MLYCD: variants seen among roughly 807,000 people sequenced by gnomAD.
MLYCD encodes the protein malonyl-CoA decarboxylase.
A neutral mutation model predicts 35.8 loss-of-function variants in MLYCD; 27 were observed. The observed-to-expected ratio is 0.75, with a 90% CI of 0.56 to 1.04. The LOEUF (loss-of-function observed/expected upper bound fraction) is 1.04, where lower values mean the gene tolerates loss of function less well. Ranked by LOEUF, MLYCD falls within the 50% of genes least tolerant of loss-of-function variation. The pLI is 0.00. For missense variants in MLYCD, 917 were observed against 665.1 expected (o/e 1.38, Z -4.17); for synonymous variants, 403 against 302.4 (o/e 1.33, Z -3.45).
intron 1 of MLYCD, among the ~76,000 whole-genome samples, chr16:83,906,288 G>T (rs1906973110): frequency 6.6e-6 from 1 of 152,142 alleles, no homozygotes; most frequent in Non-Finnish European, 1.5e-5. Context: ...CTACTTGGGG[G>T]GCTGAGACAG....
intron 2 of MLYCD, among the ~76,000 whole-genome samples, chr16:83,907,867 C>T (rs1310398227): frequency 6.6e-6 from 1 of 152,140 alleles, no homozygotes; most frequent in Non-Finnish European, 1.5e-5. Flanking sequence ...ATGAATCCTT[C>T]CCCGGAGCCT....
At chr16:83,914,063 G>A (rs1177784228) in intron 4 of MLYCD, 1 of 152,212 alleles carries the variant, frequency 6.6e-6, no homozygotes, top group Non-Finnish European at 1.5e-5. Context: ...GTTTATCTGA[G>A]CAGACTGTCG....
chr16:83,913,845 A>T (rs1907274190), intron 4 of MLYCD: 1 of 151,880 alleles, frequency 6.6e-6, no homozygotes, highest in Admixed American at 6.6e-5. Flanking sequence ...GTGGGGGAAA[A>T]ACCCCGGGAG....
In MLYCD at chr16:83,918,062, G is replaced by A. The variant is rs113324744; in HGVS notation, c.*2573G>A. 3.8e-4 allele frequency: 58 copies of A among 152,340 alleles called. No homozygotes were observed. Among genetic ancestry groups the A allele is most frequent in the African/African-American group, 1.3e-3 (54 of 41,566 alleles). The allele number at this position is 152,340 out of a possible 1,614,324, so 9.4% of individuals were successfully genotyped here. ...AACTAGCACGCCTGAGGTAGGTCTC[G>A]GAATAGTGTTCAAATCCATTTTACT... is the stretch of plus-strand genomic sequence containing the variant. On this transcript the variant is annotated 3_prime_UTR_variant, in exon 5 of 5. Coordinates refer to ENST00000262430, the MANE Select transcript of MLYCD (RefSeq NM_012213.3).
chr16:83,924,814 A>G lies in MLYCD; in HGVS notation c.*9325A>G, dbSNP rs1258583326. The G allele has an allele frequency of 6.6e-6, 1 of 152,166 alleles. No homozygotes were observed. The highest frequency in any genetic ancestry group is 1.5e-5 in the Non-Finnish European group (1 of 68,032). The allele number at this position is 152,166 out of a possible 1,614,324, so 9.4% of individuals were successfully genotyped here. A position where few individuals can be genotyped will look rare whatever the true frequency, so the allele number is the denominator to read the frequency against. Reference sequence around the variant, plus strand: ...GACCTCCTAGGGGGTACATCCAGCCAGGTTCCCCCTCAGCAATGGCCAGGG... The same window carrying G: ...GACCTCCTAGGGGGTACATCCAGCCGGGTTCCCCCTCAGCAATGGCCAGGG... On this transcript the variant is annotated 3_prime_UTR_variant, in exon 5 of 5. Coordinates refer to ENST00000262430, the MANE Select transcript of MLYCD (RefSeq NM_012213.3).
intron 2 of MLYCD, 37 bp from the exon 3 acceptor site, chr16:83,908,089 A>C (rs759790008): frequency 6.2e-7 from 1 of 1,613,550 alleles, no homozygotes; most frequent in Non-Finnish European, 8.5e-7. Flanking sequence ...CTTGTGAATT[A>C]TGCATTTGTC....
In MLYCD at chr16:83,923,307, C is replaced by G. The variant is rs1258522007; in HGVS notation, c.*7818C>G. The G allele has an allele frequency of 2.0e-5, 3 of 152,238 alleles. No individual in the cohort carries two copies. Among genetic ancestry groups the G allele is most frequent in the African/African-American group, 7.2e-5 (3 of 41,466 alleles). 9.4% of individuals were successfully genotyped at this position (152,238 alleles called of 1,614,324 possible). On this transcript the variant is annotated 3_prime_UTR_variant, in exon 5 of 5. Transcript: ENST00000262430. ...AAAGATTTAAATCGAGCAAACACCTCTGTGATTTCCAATTGGATTCTGAGG... is the reference window on the plus strand; with the variant it reads ...AAAGATTTAAATCGAGCAAACACCTGTGTGATTTCCAATTGGATTCTGAGG...
At chr16:83,906,954 T>C (rs1034800402) in intron 1 of MLYCD, 33 bp from the exon 2 acceptor site, 25 of 1,574,598 alleles carry the variant, frequency 1.6e-5, no homozygotes, top group Non-Finnish European at 2.1e-5. Context: ...CTGTCGCACA[T>C]TGGAGGCCTG....
At chr16:83,911,486 G>C (rs771213417) in intron 3 of MLYCD, among the ~76,000 whole-genome samples, 48 of 152,220 alleles carry the variant, frequency 3.2e-4, no homozygotes, top group Non-Finnish European at 5.1e-4. Flanking sequence ...GTTATCCAGT[G>C]AGCTTTGGAG....
In MLYCD at chr16:83,920,120, A is replaced by G. The variant is rs970365349; in HGVS notation, c.*4631A>G. ...CAGGACAGCACACGGTACACAGCAG[A>G]ACACCCGCAGTGCACAGGAGAACCT... On this transcript the variant is annotated 3_prime_UTR_variant, in exon 5 of 5. Coordinates refer to ENST00000262430, the MANE Select transcript of MLYCD (RefSeq NM_012213.3). The G allele has an allele frequency of 6.6e-6, 1 of 152,118 alleles. No individual in the cohort carries two copies. The highest frequency in any genetic ancestry group is 2.4e-5 in the African/African-American group (1 of 41,366). The allele number at this position is 152,118 out of a possible 1,614,324, so 9.4% of individuals were successfully genotyped here.
intron 1 of MLYCD, among the ~76,000 whole-genome samples, chr16:83,904,897 G>A (rs1357588278): frequency 6.6e-6 from 1 of 152,164 alleles, no homozygotes; most frequent in Non-Finnish European, 1.5e-5. Flanking sequence ...CCACCAGTCA[G>A]TCCTAGATTT....
rs576671102 is a variant in MLYCD at position 83,925,443 on chromosome 16, A to G, written c.*9954A>G. ...AGGTTACAAAGTCTCCTTCCTGATT[A>G]TGTGCATTAACTAACCTCGCAGGTG... On this transcript the variant is annotated 3_prime_UTR_variant, in exon 5 of 5. Transcript: ENST00000262430. The G allele has an allele frequency of 4.6e-4, 70 of 152,346 alleles. No individual in the cohort carries two copies. The highest frequency in any genetic ancestry group is 1.6e-3 in the African/African-American group (66 of 41,504). 9.4% of individuals were successfully genotyped at this position (152,346 alleles called of 1,614,324 possible).
chr16:83,911,989 A>G, intron 3 of MLYCD: 1 of 573,502 alleles, frequency 1.7e-6, no homozygotes, highest in South Asian at 2.0e-5. Context: ...ATTTCAAGAA[A>G]CGATGCAGTG....
Position 83,908,260 on chromosome 16 carries a change from G to C in MLYCD, c.776G>C (p.Gly259Ala), listed in dbSNP as rs77493891. The change falls in exon 3 of 5, where the codon GGT becomes GCT. Residue 259 changes from glycine to alanine, a missense_variant. Gly to Ala is a moderately conservative substitution (Grantham distance 60, BLOSUM62 0). Transcript: ENST00000262430. ...PLVVLHVALT[G>A]DISSNIQAIV... ...GTCGTTTTGCACGTGGCACTGACTG[G>C]TGACATCTCCAGCAACATCCAGGTA... 4,999 of 1,614,142 alleles carry C rather than the reference G, an allele frequency of 3.1e-3. 234 individuals are homozygous for C. The East Asian group carries it at 0.098, about 32-fold the overall frequency.
Position 83,915,425 on chromosome 16 carries a change from T to C in MLYCD, c.1418T>C (p.Ile473Thr). Residue 473 changes from isoleucine (I) to threonine (T), a missense_variant, in exon 5 of 5, where the codon ATC becomes ACC. Ile to Thr is a moderately conservative substitution (Grantham distance 89, BLOSUM62 -1). Transcript: ENST00000262430. ...PNSTSYLGSK[I>T]IKASEQVLSL... ...AGCACCTCCTACCTCGGCTCCAAGA[T>C]CATCAAAGCCTCTGAGCAGGTCCTC... The C allele has an allele frequency of 6.2e-7, 1 of 1,613,708 alleles. No individual in the cohort carries two copies. The highest frequency in any genetic ancestry group is 8.5e-7 in the Non-Finnish European group (1 of 1,180,038).
At position 83,901,420 on chromosome 16, in the gene MLYCD, G is replaced by C. The variant is rs990121268; in HGVS notation, c.528+1748G>C. On this transcript the variant is annotated intron_variant, in intron 1 of 4. Transcript: ENST00000262430. ...GGGTGTCCTGGCATAAGACACACTT[G>C]ACACACTAATCATTCAGCATTTGTG... is the stretch of plus-strand genomic sequence containing the variant. 2.6e-5 allele frequency among the ~76,000 whole-genome samples: 4 copies of C among 152,178 alleles called. 1 individual carries two copies. The highest frequency in any genetic ancestry group is 4.4e-5 in the Non-Finnish European group (3 of 68,030).
chr16:83,908,331 C>T (rs1198880923), intron 3 of MLYCD, 49 bp downstream of exon 3: 1 of 1,586,940 alleles, frequency 6.3e-7, no homozygotes, highest in South Asian at 1.2e-5. Flanking sequence ...CATAGAGCCC[C>T]TTGTGTTTTT....
chr16:83,900,564 G>A (rs1906748420), intron 1 of MLYCD, among the ~76,000 whole-genome samples: 1 of 150,902 alleles, frequency 6.6e-6, no homozygotes, highest in African/African-American at 2.4e-5. Flanking sequence ...TACAGGTGCA[G>A]GCCACCATGC....
chr16:83,904,701 G>T (rs1434292074), intron 1 of MLYCD, among the ~76,000 whole-genome samples: 1 of 152,204 alleles, frequency 6.6e-6, no homozygotes, highest in Non-Finnish European at 1.5e-5. Context: ...AAGATCTTCT[G>T]GTCCAGCTGT....
Sources: gnomAD v4.1 joint callset for allele counts (sites outside exome capture counted in the v4.1 genomes callset) on GRCh38, gnomAD v4.1.1 for gene constraint, MANE v1.5 for transcripts, NCBI Gene and HGNC (gene_info 2026-07-23, HGNC 2026-07-21) for gene names.